MGA: variants seen among roughly 807,000 people sequenced by gnomAD.
MGA encodes MAX dimerization protein MGA.
A neutral mutation model predicts 261.1 loss-of-function variants in MGA; 40 were observed. The ratio of observed to expected loss-of-function variants is 0.15; its 90% confidence interval spans 0.12 to 0.20. MGA has a LOEUF of 0.20. Ranked by LOEUF, MGA falls within the 10% of genes least tolerant of loss-of-function variation. The pLI is 1.00. For synonymous variants in MGA, 1,302 were observed against 1,290.6 expected, an observed-to-expected ratio of 1.01 and a Z score of -0.19; for missense variants, 3,397 against 3,630.5, an observed-to-expected ratio of 0.94 and a Z score of 1.65.
At position 41,749,940 on chromosome 15, in the gene MGA, T is replaced by G; in HGVS notation, c.6333T>G (p.Asp2111Glu). Residue 2111 changes from aspartate to glutamate, a missense_variant, in exon 17 of 24, where the codon GAT becomes GAG. Around this residue, in one of 9 missense-constraint regions of MGA, gnomAD observed 1,410 missense variants for 1,386.4 expected, o/e 1.02. Coordinates refer to ENST00000219905, the MANE Select transcript of MGA (RefSeq NM_001164273.2). Reference sequence around the variant, plus strand: ...AAGTACAGCATCAAAAACTTGGTGATGTGAAGGTGGAACAGCAGAAAGGAT... The same window carrying G: ...AAGTACAGCATCAAAAACTTGGTGAGGTGAAGGTGGAACAGCAGAAAGGAT... The G allele has an allele frequency of 6.2e-7, 1 of 1,613,766 alleles. No homozygotes were observed. Among genetic ancestry groups the G allele is most frequent in the Non-Finnish European group, 8.5e-7 (1 of 1,179,838 alleles).
chr15:41,641,461 A>G (rs1340094622), intron 1 of MGA, among the ~76,000 whole-genome samples: 6 of 149,108 alleles, frequency 4.0e-5, no homozygotes, highest in Non-Finnish European at 5.9e-5. Flanking sequence ...AGAAAATGAG[A>G]GTTCCAATTT....
In MGA at chr15:41,696,800, C is replaced by G; in HGVS notation, c.1790C>G (p.Ala597Gly). The G allele has an allele frequency of 6.2e-7, 1 of 1,603,824 alleles. No homozygotes were observed. Among genetic ancestry groups the G allele is most frequent in the Non-Finnish European group, 8.5e-7 (1 of 1,175,070 alleles). ...ACTATGCTTAAGATTGCAACAGCCG[C>G]AAAGGTAGTGAATGCTAATCAGAAT... Residue 597 changes from alanine to glycine, a missense_variant, in exon 3 of 24, where the codon GCA becomes GGA. Physicochemically the swap from Ala to Gly is moderately conservative, Grantham distance 60 (BLOSUM62 0). This residue lies in a region of MGA where 563 missense variants were observed against 563.6 expected (regional missense o/e 1.00). Coordinates refer to ENST00000219905, the MANE Select transcript of MGA (RefSeq NM_001164273.2).
chr15:41,707,427 C>T (rs1238053128), intron 5 of MGA, among the ~76,000 whole-genome samples: 1 of 152,190 alleles, frequency 6.6e-6, no homozygotes, highest in Non-Finnish European at 1.5e-5. Context: ...TGCACATTAT[C>T]ATGCACGTCC....
In MGA at chr15:41,736,288, T is replaced by C. The variant is rs757981393; in HGVS notation, c.4024T>C (p.Cys1342Arg). The C allele has an allele frequency of 6.2e-7, 1 of 1,614,042 alleles. No individual in the cohort carries two copies. Among genetic ancestry groups the C allele is most frequent in the South Asian group, 1.1e-5 (1 of 91,088 alleles). The change falls in exon 13 of 24, where the codon TGC (cysteine) becomes CGC (arginine). Residue 1342 changes from cysteine to arginine, a missense_variant. Physicochemically the swap from Cys to Arg is radical, Grantham distance 180 (BLOSUM62 -3). Transcript: ENST00000219905. ...CAAACTGATTGAGATCATCTCAGAC[T>C]GCAACTGGGAGGAAGATCGGAACAA...
chr15:41,666,972 G>T (rs182485670), intron 1 of MGA, among the ~76,000 whole-genome samples: 55 of 152,238 alleles, frequency 3.6e-4, no homozygotes, highest in Admixed American at 2.7e-3. Context: ...TTTTCAAGTT[G>T]CCCTCTCTTA....
intron 5 of MGA, among the ~76,000 whole-genome samples, chr15:41,700,776 C>G (rs1054517397): frequency 1.3e-5 from 2 of 152,088 alleles, no homozygotes; most frequent in African/African-American, 2.4e-5. Context: ...TTACGACTAT[C>G]TTTGATTTTA....
At chr15:41,762,047 A>G in intron 21 of MGA, 82 bp from the exon 22 acceptor site, 1 of 1,220,666 alleles carries the variant, frequency 8.2e-7, no homozygotes, top group South Asian at 1.5e-5. Flanking sequence ...GAATATAGTT[A>G]AAGCAACTAG....
rs770346689 is a variant in MGA, at chr15:41,749,998, C to T, written c.6391C>T (p.Pro2131Ser). Residue 2131 changes from proline (P) to serine (S), a missense_variant, in exon 17 of 24, where the codon CCA (proline) becomes TCA (serine). Physicochemically the swap from Pro to Ser is moderately conservative, Grantham distance 74. Transcript: ENST00000219905. ...TCCAGAAGAAAACTCAAGTGAATTT[C>T]CAGTCACCTTTAAGGAAGAAAGTAA... 1.2e-6 allele frequency: 2 copies of T among 1,612,426 alleles called. No individual in the cohort carries two copies. The highest frequency in any genetic ancestry group is 1.7e-6 in the Non-Finnish European group (2 of 1,179,472).
intron 14 of MGA, among the ~76,000 whole-genome samples, chr15:41,740,975 G>A (rs1192007953): frequency 2.0e-5 from 3 of 152,178 alleles, no homozygotes; most frequent in African/African-American, 7.2e-5. Context: ...TGTTAGGAAT[G>A]TTAGGTAAGA....
intron 11 of MGA, among the ~76,000 whole-genome samples, chr15:41,730,086 G>T (rs1049514914): frequency 1.1e-4 from 17 of 152,008 alleles, no homozygotes; most frequent in Admixed American, 1.0e-3. Flanking sequence ...CAGAGATGGG[G>T]TTCCACTATG....
chr15:41,668,021 C>G (rs1275079111), intron 1 of MGA, among the ~76,000 whole-genome samples: 1 of 151,766 alleles, frequency 6.6e-6, no homozygotes, highest in Non-Finnish European at 1.5e-5. Flanking sequence ...CCAGGCTAGT[C>G]TCGAATTCCT....
intron 1 of MGA, among the ~76,000 whole-genome samples, chr15:41,624,398 A>C (rs1439997485): frequency 1.3e-5 from 2 of 151,690 alleles, no homozygotes. Context: ...CAGGCAGACT[A>C]TGCCGCCGCC....
chr15:41,669,999 T>C lies in MGA; in HGVS notation c.1064+41T>C, dbSNP rs372010803. On this transcript the variant is annotated intron_variant, in intron 2 of 23. Coordinates refer to ENST00000219905, the MANE Select transcript of MGA (RefSeq NM_001164273.2). ...TCTGTTCTTAGAAATAAAAGGAAGA[T>C]TGAGATGGGCCAGGTGTTGGATTTA... 165 of 1,494,626 alleles carry C rather than the reference T, an allele frequency of 1.1e-4. 1 individual carries two copies. The African/African-American group carries it at 2.1e-3, about 19-fold the overall frequency. 92.6% of individuals were successfully genotyped at this position (1,494,626 alleles called of 1,614,324 possible). A position where few individuals can be genotyped will look rare whatever the true frequency, so the allele number is the denominator to read the frequency against.
chr15:41,727,102 A>G, intron 9 of MGA, 78 bp from the exon 10 acceptor site: 1 of 1,104,600 alleles, frequency 9.1e-7, no homozygotes. Context: ...GAGGGAGCGT[A>G]TTTTGTTTTG....
intron 1 of MGA, among the ~76,000 whole-genome samples, chr15:41,632,103 C>T (rs1010079385): frequency 1.3e-5 from 2 of 152,172 alleles, no homozygotes; most frequent in Non-Finnish European, 2.9e-5. Flanking sequence ...CGTCATATGT[C>T]TCCCTCATAC....
At position 41,743,129 on chromosome 15, in the gene MGA, A is replaced by C. The variant is rs1357477605; in HGVS notation, c.5169A>C (p.Ile1723=). The C allele has an allele frequency of 6.2e-7, 1 of 1,612,574 alleles. No individual in the cohort carries two copies. The highest frequency in any genetic ancestry group is 8.5e-7 in the Non-Finnish European group (1 of 1,179,332). ...CATCTCTGGGCTCTGTTCCTATTAT[A>C]CTCTCAGGAATTAATGGGAGTCCAC... is the stretch of plus-strand genomic sequence containing the variant. The change falls in exon 15 of 24, where the codon ATA becomes ATC. Residue 1723 remains isoleucine, a synonymous_variant. Coordinates refer to ENST00000219905, the MANE Select transcript of MGA (RefSeq NM_001164273.2).
intron 2 of MGA, among the ~76,000 whole-genome samples, chr15:41,689,496 T>C (rs1055201720): frequency 2.6e-5 from 4 of 151,824 alleles, no homozygotes; most frequent in Non-Finnish European, 5.9e-5. Flanking sequence ...CTTTTATATT[T>C]ACGTATTTAT....
At chr15:41,692,066 T>C (rs1178673675) in intron 2 of MGA, among the ~76,000 whole-genome samples, 1 of 152,228 alleles carries the variant, frequency 6.6e-6, no homozygotes, top group Non-Finnish European at 1.5e-5. Context: ...GTATGTTAGA[T>C]CATTTTATGT....
chr15:41,646,715 G>A (rs968923844), intron 1 of MGA, among the ~76,000 whole-genome samples: 2 of 151,548 alleles, frequency 1.3e-5, no homozygotes, highest in East Asian at 4.0e-4. Context: ...GTCACCCCCC[G>A]CCCCCTGGAA....
Sources: gnomAD v4.1 joint callset for allele counts (sites outside exome capture counted in the v4.1 genomes callset) on GRCh38, gnomAD v4.1.1 for gene constraint, gnomAD v4.1.1 regional missense constraint, MANE v1.5 for transcripts, NCBI Gene and HGNC (gene_info 2026-07-23, HGNC 2026-07-21) for gene names.